FAM76A: variants seen among roughly 807,000 people sequenced by gnomAD.
FAM76A encodes protein FAM76A.
In FAM76A, 32 loss-of-function variants were observed where a neutral mutation model predicts 46.2. That is an observed-to-expected ratio of 0.69 (90% CI 0.52 to 0.93). The LOEUF is 0.93. FAM76A is among the 40% of genes least tolerant of loss of function. The probability of loss-of-function intolerance (pLI) is 0.00; values close to 1 mark genes in which losing one functional copy is unlikely to be tolerated. For missense variants in FAM76A, 274 were observed against 361.5 expected (o/e 0.76, Z 1.96); for synonymous variants, 137 against 127.0 (o/e 1.08, Z -0.53).
chr1:27,745,917 G>T (rs1254426656), intron 5 of FAM76A, among the ~76,000 whole-genome samples: 1 of 152,164 alleles, frequency 6.6e-6, no homozygotes, highest in African/African-American at 2.4e-5. Flanking sequence ...GGAAAAAGGG[G>T]TCCTGCATCC....
intron 2 of FAM76A, among the ~76,000 whole-genome samples, chr1:27,730,678 G>A (rs1447942902): frequency 6.6e-6 from 1 of 152,058 alleles, no homozygotes; most frequent in African/African-American, 2.4e-5. Flanking sequence ...TCTTTTAAAA[G>A]TAACAGAAAA....
In FAM76A at chr1:27,746,030, C is replaced by A. The variant is rs565710116; in HGVS notation, c.512+1219C>A. Among the ~76,000 whole-genome samples, 17 of 152,116 alleles carry A rather than the reference C, an allele frequency of 1.1e-4. 1 individual carries two copies. In the South Asian group the frequency reaches 3.5e-3, roughly 32 times the overall value. ...CCAAATCTTCATTTAAAAAATTAAC[C>A]CTGACTACTAGTGTGGAAAATGCAT... On this transcript the variant is annotated intron_variant, in intron 5 of 8. Transcript: ENST00000373954.
Position 27,725,986 on chromosome 1 carries a change from C to T in FAM76A, c.-95C>T. 2.0e-6 allele frequency: 2 copies of T among 1,025,502 alleles called. No homozygotes were observed. Among genetic ancestry groups the T allele is most frequent in the Non-Finnish European group, 2.5e-6 (2 of 804,846 alleles). The allele number at this position is 1,025,502 out of a possible 1,614,324, so 63.5% of individuals were successfully genotyped here. On this transcript the variant is annotated 5_prime_UTR_variant, in exon 1 of 9. Coordinates refer to ENST00000373954, the MANE Select transcript of FAM76A (RefSeq NM_152660.3). The stretch of plus-strand genomic sequence containing the variant: ...GCCTGCGCCCGCCCGCCTGCCGCAG[C>T]CAGCAGCCTGCAGCCGCCGCCGGGT...
At position 27,749,150 on chromosome 1, in the gene FAM76A, G is replaced by C. The variant is rs2088293676; in HGVS notation, c.595G>C (p.Asp199His). 1 of 1,597,580 alleles carries C rather than the reference G, an allele frequency of 6.3e-7. No individual in the cohort carries two copies. The highest frequency in any genetic ancestry group is 8.5e-7 in the Non-Finnish European group (1 of 1,174,162). The change falls in exon 6 of 9, where the codon GAC becomes CAC. Residue 199 changes from aspartate to histidine, a missense_variant. Physicochemically the swap from Asp to His is moderately conservative, Grantham distance 81. Coordinates refer to ENST00000373954, the MANE Select transcript of FAM76A (RefSeq NM_152660.3). ...GTTTGAGTCAATCACAACTAATGGA[G>C]ACAGGTGAGCCAGTTGGAGTATGTG... ...SKFESITTNG[D>H]SFSPDLALDS... is the part of the protein sequence containing the mutation.
At chr1:27,740,401 T>C in intron 4 of FAM76A, 1 of 1,384,550 alleles carries the variant, frequency 7.2e-7, no homozygotes, top group Admixed American at 1.7e-5. Context: ...CAGAAATTCA[T>C]GGATGATATG....
intron 4 of FAM76A, among the ~76,000 whole-genome samples, chr1:27,744,355 C>T (rs138647235): frequency 0.037 from 5,706 of 152,212 alleles, 359 homozygotes; most frequent in African/African-American, 0.13. Flanking sequence ...TCTCAATCTC[C>T]TGACCTCGTG....
Position 27,761,964 on chromosome 1 carries a change from C to CA in FAM76A, c.*1399dup, listed in dbSNP as rs755947488. 6.4e-3 allele frequency: 565 copies of CA among 87,970 alleles called. 6 individuals carry two copies. Among genetic ancestry groups the CA allele is most frequent in the East Asian group, 0.054 (188 of 3,486 alleles). The allele number at this position is 87,970 out of a possible 1,614,324, so 5.4% of individuals were successfully genotyped here. On this transcript the variant is annotated 3_prime_UTR_variant, in exon 9 of 9. Transcript: ENST00000373954. ...TGGGCAATGGAGTGAGACTCCGTCTCAAAAAAAAAAAAAAAAGGAATAATA... is the reference window on the plus strand; with the variant it reads ...TGGGCAATGGAGTGAGACTCCGTCTCAAAAAAAAAAAAAAAAAGGAATAATA...
intron 7 of FAM76A, among the ~76,000 whole-genome samples, chr1:27,755,983 C>T (rs569286789): frequency 2.0e-5 from 3 of 152,326 alleles, no homozygotes; most frequent in African/African-American, 7.2e-5. Flanking sequence ...CAGTTCTTGG[C>T]ATGAGCTACC....
At chr1:27,745,930 G>A (rs1164557346) in intron 5 of FAM76A, among the ~76,000 whole-genome samples, 6 of 152,190 alleles carry the variant, frequency 3.9e-5, no homozygotes, top group African/African-American at 1.4e-4. Context: ...CTGCATCCTG[G>A]TAAGGAATGG....
At chr1:27,726,721 C>G (rs2087867492) in intron 1 of FAM76A, among the ~76,000 whole-genome samples, 1 of 152,072 alleles carries the variant, frequency 6.6e-6, no homozygotes, top group Non-Finnish European at 1.5e-5. Context: ...CACAGTCAGG[C>G]TCACAGATCC....
chr1:27,725,971 G>A lies in FAM76A; in HGVS notation c.-110G>A. On this transcript the variant is annotated 5_prime_UTR_variant, in exon 1 of 9. Transcript: ENST00000373954. ...GGTCCGCCCCGACCCGCCTGCGCCC[G>A]CCCGCCTGCCGCAGCCAGCAGCCTG... 1.2e-6 allele frequency: 1 copy of A among 847,254 alleles called. No homozygotes were observed. Among genetic ancestry groups the A allele is most frequent in the East Asian group, 3.7e-5 (1 of 27,154 alleles). The allele number at this position is 847,254 out of a possible 1,614,324, so 52.5% of individuals were successfully genotyped here.
intron 7 of FAM76A, among the ~76,000 whole-genome samples, chr1:27,759,093 A>C (rs1255519763): frequency 6.6e-6 from 1 of 152,096 alleles, no homozygotes; most frequent in Non-Finnish European, 1.5e-5. Context: ...AGTCAACAGA[A>C]GGGGGTCTGG....
chr1:27,733,312 A>G (rs2087990416), intron 3 of FAM76A, among the ~76,000 whole-genome samples: 1 of 152,038 alleles, frequency 6.6e-6, no homozygotes, highest in South Asian at 2.1e-4. Flanking sequence ...TTTTTCTCTT[A>G]GTGTTACAGT....
At chr1:27,740,604 C>G (rs1409949876) in intron 4 of FAM76A, 5 of 775,896 alleles carry the variant, frequency 6.4e-6, no homozygotes, top group Admixed American at 2.3e-5. Flanking sequence ...TCAGAAGCCA[C>G]TCAAAAACAT....
At chr1:27,730,626 C>T (rs982643400) in intron 2 of FAM76A, among the ~76,000 whole-genome samples, 3 of 152,302 alleles carry the variant, frequency 2.0e-5, no homozygotes, top group South Asian at 4.1e-4. Flanking sequence ...TGGTAATCCT[C>T]TTTCTAGAGA....
chr1:27,737,393 G>C (rs1453823703), intron 4 of FAM76A, among the ~76,000 whole-genome samples: 3 of 152,144 alleles, frequency 2.0e-5, no homozygotes, highest in African/African-American at 7.2e-5. Flanking sequence ...GCTCTTACCT[G>C]GGGAAGGTCT....
At chr1:27,759,193 A>G (rs1259414065) in intron 7 of FAM76A, among the ~76,000 whole-genome samples, 1 of 152,158 alleles carries the variant, frequency 6.6e-6, no homozygotes, top group Non-Finnish European at 1.5e-5. Flanking sequence ...TTTCTCCTCT[A>G]TAAAATGGGA....
intron 4 of FAM76A, among the ~76,000 whole-genome samples, chr1:27,744,228 A>G (rs1432681961): frequency 6.6e-6 from 1 of 152,112 alleles, no homozygotes; most frequent in Non-Finnish European, 1.5e-5. Context: ...TCCTGGGTTC[A>G]AGCGATTCTT....
intron 6 of FAM76A, among the ~76,000 whole-genome samples, chr1:27,754,395 C>T (rs996520579): frequency 5.9e-5 from 9 of 152,080 alleles, no homozygotes; most frequent in African/African-American, 1.9e-4. Flanking sequence ...CGTGAGCCAC[C>T]GCGCCCGGCC....
Sources: allele counts gnomAD v4.1 joint callset (sites outside exome capture counted in the v4.1 genomes callset), GRCh38; gene constraint gnomAD v4.1.1; transcripts MANE v1.5; gene names NCBI Gene and HGNC (gene_info 2026-07-23, HGNC 2026-07-21).